The following POLR1C variants were observed in gnomAD, a reference collection of about 807,000 sequenced individuals.
The protein encoded by POLR1C is DNA-directed RNA polymerases I and III subunit RPAC1.
A neutral mutation model predicts 38.3 loss-of-function variants in POLR1C; 42 were observed. The ratio of observed to expected loss-of-function variants is 1.10; its 90% CI spans 0.86 to 1.42. The LOEUF (loss-of-function observed/expected upper bound fraction) is 1.42, where lower values mean the gene tolerates loss of function less well. Ranked by LOEUF, POLR1C falls within the 40% of genes most tolerant of loss-of-function variation. The probability of loss-of-function intolerance (pLI) is 0.00; values close to 1 mark genes in which losing one functional copy is unlikely to be tolerated. For missense variants in POLR1C, 507 were observed against 450.5 expected, an observed-to-expected ratio of 1.13 and a Z score of -1.14; for synonymous variants, 163 against 163.9, an observed-to-expected ratio of 0.99 and a Z score of 0.04.
intron 9 of POLR1C, chr6:43,546,590 T>G: frequency 6.2e-7 from 1 of 1,609,600 alleles, no homozygotes; most frequent in South Asian, 1.1e-5. Flanking sequence ...GCAAGCAAAT[T>G]GTCAAGAAGT....
intron 9 of POLR1C, among the ~76,000 whole-genome samples, chr6:43,550,720 A>C (rs375262587): frequency 1.3e-5 from 2 of 152,324 alleles, no homozygotes; most frequent in East Asian, 3.9e-4. Flanking sequence ...CATATTCTTC[A>C]AACACAGTAT....
At chr6:43,559,682 T>C (rs996071735) in intron 10 of POLR1C, among the ~76,000 whole-genome samples, 2 of 152,168 alleles carry the variant, frequency 1.3e-5, no homozygotes, top group Non-Finnish European at 2.9e-5. Context: ...ATACTTATGA[T>C]ATATTAAGTA....
At chr6:43,525,909 A>C (rs771145459), downstream of POLR1C, 1 of 1,613,984 alleles carries the variant, frequency 6.2e-7, no homozygotes, top group Non-Finnish European at 8.5e-7. Context: ...CTCTGTGGCC[A>C]TCATTTCTTC....
intron 9 of POLR1C, among the ~76,000 whole-genome samples, chr6:43,542,508 C>G (rs538058005): frequency 6.6e-6 from 1 of 152,208 alleles, no homozygotes; most frequent in African/African-American, 2.4e-5. Flanking sequence ...CTCCCAAGTT[C>G]AAGCGATTCT....
At chr6:43,552,503 C>T (rs912964818) in intron 10 of POLR1C, among the ~76,000 whole-genome samples, 1 of 152,120 alleles carries the variant, frequency 6.6e-6, no homozygotes, top group Non-Finnish European at 1.5e-5. Context: ...CAGACATGCA[C>T]CAGCATGCCC....
chr6:43,540,445 C>T (rs1794631995), intron 9 of POLR1C, among the ~76,000 whole-genome samples: 1 of 151,848 alleles, frequency 6.6e-6, no homozygotes, highest in African/African-American at 2.4e-5. Flanking sequence ...CGCCACTGCA[C>T]TCCAGCCTGG....
At chr6:43,546,896 C>A in intron 9 of POLR1C, 1 of 838,060 alleles carries the variant, frequency 1.2e-6, no homozygotes, top group Non-Finnish European at 1.8e-6. Flanking sequence ...GGCAATCCCC[C>A]ATCCCTTCCT....
downstream of POLR1C, chr6:43,523,682 G>A (rs766006254): frequency 1.3e-5 from 12 of 922,822 alleles, no homozygotes; most frequent in Non-Finnish European, 2.2e-5. Flanking sequence ...TCCCTTTCTT[G>A]ATACTTTAGT....
chr6:43,553,314 GA>G, intron 10 of POLR1C: 1 of 1,547,970 alleles, frequency 6.5e-7, no homozygotes, highest in Non-Finnish European at 8.7e-7. Flanking sequence ...AATAGAAAGA[GA>G]AAAGAAAAGA....
intron 10 of POLR1C, chr6:43,560,890 T>A (rs1369155604): frequency 6.4e-7 from 1 of 1,560,446 alleles, no homozygotes. Context: ...TTCACCTAAC[T>A]AAACTTTTGA....
Position 43,527,757 on chromosome 6 carries a change from C to T in POLR1C, c.923-1492C>T, listed in dbSNP as rs762401343. On this transcript the variant is annotated intron_variant, in intron 8 of 8. Coordinates refer to the POLR1C transcript ENST00000304004. ...CTGCAGAAAACCAGGGGGCCAAGTT[C>T]CACAGGAGTGCAGAAAAGGAAGGAC... The T allele has an allele frequency of 3.1e-6, 5 of 1,612,022 alleles. No individual in the cohort carries two copies. The Admixed American group carries it at 5.0e-5, about 16-fold the overall frequency.
Position 43,517,143 on chromosome 6 carries a change from A to G in POLR1C, c.34A>G (p.Ser12Gly), listed in dbSNP as rs200115914. 8.7e-6 allele frequency: 14 copies of G among 1,614,058 alleles called. No homozygotes were observed. The Admixed American group carries it at 1.5e-4, about 17-fold the overall frequency. Residue 12 changes from serine to glycine, a missense_variant, in exon 1 of 9, where the codon AGC becomes GGC. Ser to Gly is a moderately conservative substitution (Grantham distance 56, BLOSUM62 0). Transcript: ENST00000642195. ...TTCTCAGGCGGTGGAGGAAATGCGG[A>G]GCCGCGTGGTTCTGGGGGAGTTTGG... Reference protein sequence around the residue: ...AASQAVEEMRSRVVLGEFGVR... With the variant: ...AASQAVEEMRGRVVLGEFGVR...
At chr6:43,525,281 C>T (rs185229845), downstream of POLR1C, 13 of 1,425,822 alleles carry the variant, frequency 9.1e-6, no homozygotes, top group Admixed American at 3.0e-4. Context: ...GATTATTACA[C>T]ATCAGGAGCC....
rs1793094018 is a variant in POLR1C at position 43,520,444 on chromosome 6, C to T, written c.655+17C>T. ...AGGGCATTGGTGAGAACCCTGTGTG[C>T]CTTCCTGGGAAGGGGGATAGTTCGG... On this transcript the variant is annotated intron_variant, in intron 6 of 8. Transcript: ENST00000642195. 1.2e-6 allele frequency: 2 copies of T among 1,612,846 alleles called. No individual in the cohort carries two copies. Among genetic ancestry groups the T allele is most frequent in the Admixed American group, 3.3e-5 (2 of 59,996 alleles).
At chr6:43,519,928 T>C (rs987667455) in intron 4 of POLR1C, 90 bp downstream of exon 4, 1 of 1,539,012 alleles carries the variant, frequency 6.5e-7, no homozygotes, top group Middle Eastern at 1.7e-4. Context: ...TCTTTGTACA[T>C]CAGTGTCTTT....
downstream of POLR1C, chr6:43,526,007 C>A: frequency 6.7e-7 from 1 of 1,485,100 alleles, no homozygotes; most frequent in South Asian, 1.2e-5. Context: ...AAAAACAAAG[C>A]AAAGCTGAGT....
intron 8 of POLR1C, chr6:43,529,042 A>G: frequency 8.8e-7 from 1 of 1,141,124 alleles, no homozygotes; most frequent in African/African-American, 1.6e-5. Flanking sequence ...TGTCAAAAAT[A>G]TCCTGTGTTA....
chr6:43,539,046 C>T (rs1260715654), intron 9 of POLR1C: 15 of 1,540,768 alleles, frequency 9.7e-6, no homozygotes, highest in African/African-American at 2.7e-5. Context: ...TAGCAGTCAT[C>T]GATACCAGCC....
chr6:43,538,740 CATAAA>C, intron 9 of POLR1C: 1 of 524,220 alleles, frequency 1.9e-6, no homozygotes, highest in Non-Finnish European at 3.2e-6. Flanking sequence ...AAATAAGCCT[CATAAA>C]ATGAGTTATG....
Sources: gnomAD v4.1 joint callset for allele counts (sites outside exome capture counted in the v4.1 genomes callset) on GRCh38, gnomAD v4.1.1 for gene constraint, MANE v1.5 for transcripts, NCBI Gene and HGNC (gene_info 2026-07-23, HGNC 2026-07-21) for gene names.